The following DCHS2 variants were observed in gnomAD, a reference collection of about 807,000 sequenced individuals.
DCHS2 encodes dachsous cadherin-related 2, also known as protocadherin-23.
A neutral mutation model predicts 182.4 loss-of-function variants in DCHS2; 142 were observed. That is an observed-to-expected ratio of 0.78 (90% CI 0.68 to 0.89). The LOEUF is 0.89. Among genes scored for constraint, DCHS2 ranks in the 40% least tolerant of loss-of-function variants. The pLI is 0.00. For synonymous variants in DCHS2, 1,740 were observed against 1,663.3 expected (o/e 1.05, Z -1.12); for missense variants, 4,319 against 4,198.6 (o/e 1.03, Z -0.79).
rs1283887346 is a variant in DCHS2, at chr4:154,236,994, G to T, written c.7658C>A (p.Ser2553Tyr). The part of the protein sequence containing the change: ...NNYAPEFTVK[S>Y]YNLSLSEDAL... Reference sequence around the variant, plus strand: ...ATCCTCACTTAGGCTAAGATTATAGGATTTGACTGTGAATTCAGGGGCATA... The same window carrying T: ...ATCCTCACTTAGGCTAAGATTATAGTATTTGACTGTGAATTCAGGGGCATA... Residue 2553 changes from serine to tyrosine, a missense_variant, in exon 20 of 20, where the codon TCC becomes TAC. By Grantham distance (144) the Ser-to-Tyr change is moderately radical (BLOSUM62 -2). Coordinates refer to ENST00000357232, the MANE Select transcript of DCHS2 (RefSeq NM_001358235.2). 1 of 1,613,840 alleles carries T rather than the reference G, an allele frequency of 6.2e-7. No individual in the cohort carries two copies. The highest frequency in any genetic ancestry group is 1.3e-5 in the African/African-American group (1 of 74,896).
Position 154,305,154 on chromosome 4 carries a change from C to G in DCHS2, c.5338G>C (p.Glu1780Gln). 1 of 1,612,918 alleles carries G rather than the reference C, an allele frequency of 6.2e-7. No homozygotes were observed. The highest frequency in any genetic ancestry group is 8.5e-7 in the Non-Finnish European group (1 of 1,179,510). Residue 1780 changes from glutamate to glutamine, a missense_variant, in exon 11 of 20, where the codon GAG becomes CAG. By Grantham distance (29) the Glu-to-Gln change is conservative (BLOSUM62 2). Transcript: ENST00000357232. The stretch of plus-strand genomic sequence containing the variant: ...TCAAGTATGGTGGTTGTCACTACCT[C>G]TCCAGTGTCAGAATTTATCTCGAAT... ...ELFEINSDTG[E>Q]VVTTTILDRE...
At position 154,321,047 on chromosome 4, in the gene DCHS2, T is replaced by C. The variant is rs1393768586; in HGVS notation, c.4352A>G (p.His1451Arg). 3.3e-5 allele frequency: 54 copies of C among 1,612,746 alleles called. No homozygotes were observed. Among genetic ancestry groups the C allele is most frequent in the Non-Finnish European group, 4.1e-5 (48 of 1,179,042 alleles). Reference sequence around the variant, plus strand: ...TCCGGTTGAGCTGTCTATTTCAAAGTGTCCATCCTTATCATCTGCAACAAT... The same window carrying C: ...TCCGGTTGAGCTGTCTATTTCAAAGCGTCCATCCTTATCATCTGCAACAAT... ...FSIVADDKDG[H>R]FEIDSSTGDL... is the part of the protein sequence containing the mutation. The change falls in exon 9 of 20, where the codon CAC (histidine) becomes CGC (arginine). Residue 1451 changes from histidine to arginine, a missense_variant. By Grantham distance (29) the His-to-Arg change is conservative. Transcript: ENST00000357232.
chr4:154,470,692 G>GA (rs1735427929), intron 1 of DCHS2, among the ~76,000 whole-genome samples: 1 of 152,026 alleles, frequency 6.6e-6, no homozygotes, highest in Non-Finnish European at 1.5e-5. Context: ...ATTATTATTG[G>GA]AAAAGTCCTA....
At chr4:154,453,744 G>A (rs1734639714) in intron 1 of DCHS2, among the ~76,000 whole-genome samples, 1 of 151,978 alleles carries the variant, frequency 6.6e-6, no homozygotes, top group Non-Finnish European at 1.5e-5. Context: ...CTTCTCCCTT[G>A]TCCCTGTGTC....
intron 13 of DCHS2, among the ~76,000 whole-genome samples, chr4:154,281,398 GA>G: frequency 6.6e-6 from 1 of 152,052 alleles, no homozygotes; most frequent in East Asian, 1.9e-4. Flanking sequence ...TAAGCAATCT[GA>G]AAAGAAAATT....
intron 1 of DCHS2, among the ~76,000 whole-genome samples, chr4:154,385,268 G>T (rs966730715): frequency 1.3e-5 from 2 of 151,930 alleles, no homozygotes; most frequent in Non-Finnish European, 2.9e-5. Context: ...CTTTTTTATG[G>T]CTGCATAGTA....
chr4:154,378,536 G>A (rs1019713085), intron 1 of DCHS2, among the ~76,000 whole-genome samples: 1 of 148,478 alleles, frequency 6.7e-6, no homozygotes, highest in South Asian at 2.2e-4. Flanking sequence ...AAGGAAGGAA[G>A]GAAGGAAGGA....
chr4:154,341,742 A>G (rs1037357702), intron 3 of DCHS2, among the ~76,000 whole-genome samples: 7 of 152,162 alleles, frequency 4.6e-5, no homozygotes, highest in Admixed American at 1.3e-4. Flanking sequence ...TAATTTTTCA[A>G]TAACATCAGA....
At chr4:154,472,643 T>C (rs1219580421) in intron 1 of DCHS2, among the ~76,000 whole-genome samples, 2 of 152,158 alleles carry the variant, frequency 1.3e-5, no homozygotes, top group Non-Finnish European at 2.9e-5. Context: ...TTTATAATAG[T>C]AATTTTTTAA....
chr4:154,409,221 C>T (rs1231032302), intron 1 of DCHS2, among the ~76,000 whole-genome samples: 2 of 152,080 alleles, frequency 1.3e-5, no homozygotes, highest in African/African-American at 4.8e-5. Flanking sequence ...TACTGTGTTG[C>T]CCCTGCCTCC....
rs1323864404 is a variant in DCHS2 at position 154,305,225 on chromosome 4, T to TTGAC, written c.5263_5266dup (p.Asn1756SerfsTer8). 6.2e-7 allele frequency: 1 copy of TTGAC among 1,606,746 alleles called. No homozygotes were observed. Among genetic ancestry groups the TTGAC allele is most frequent in the Non-Finnish European group, 8.5e-7 (1 of 1,177,996 alleles). ...CATGATTTCAAACTGAAGCTTGGAA[T>TTGAC]TGACTCCTTAAGAAAAATATAAAGA... On this transcript the variant is annotated frameshift_variant, in exon 11 of 20. Coordinates refer to ENST00000357232, the MANE Select transcript of DCHS2 (RefSeq NM_001358235.2). LOFTEE classifies it high-confidence loss of function.
At chr4:154,370,475 G>C (rs1413520675) in intron 2 of DCHS2, among the ~76,000 whole-genome samples, 1 of 152,162 alleles carries the variant, frequency 6.6e-6, no homozygotes, top group African/African-American at 2.4e-5. Flanking sequence ...TTTTAAGATA[G>C]AGACTATTAT....
intron 1 of DCHS2, chr4:154,391,336 C>T (rs1230026347): frequency 6.4e-7 from 1 of 1,553,642 alleles, no homozygotes. Flanking sequence ...GCTTCAACTT[C>T]ATGTCTCTGG....
At position 154,377,290 on chromosome 4, in the gene DCHS2, G is replaced by A. The variant is rs1227458030; in HGVS notation, c.2207C>T (p.Pro736Leu). ...TTCCACCAGGAGATCATAGGTAGCT[G>A]GATCCCTTTCCCTGTCGATATCTTG... ...VSQDIDRERD[P>L]ATYDLLVEAK... Residue 736 changes from proline (P) to leucine (L), a missense_variant, in exon 2 of 20, where the codon CCA becomes CTA. Transcript: ENST00000357232. 1 of 1,613,410 alleles carries A rather than the reference G, an allele frequency of 6.2e-7. No individual in the cohort carries two copies. The highest frequency in any genetic ancestry group is 1.7e-5 in the Admixed American group (1 of 59,980).
chr4:154,440,684 G>A (rs1232396995), intron 1 of DCHS2, among the ~76,000 whole-genome samples: 3 of 152,048 alleles, frequency 2.0e-5, no homozygotes, highest in African/African-American at 7.2e-5. Flanking sequence ...CTATTTTAAT[G>A]AGACATCAAA....
At chr4:154,293,139 G>A (rs1734740523) in intron 13 of DCHS2, among the ~76,000 whole-genome samples, 1 of 152,138 alleles carries the variant, frequency 6.6e-6, no homozygotes, top group African/African-American at 2.4e-5. Context: ...TAAACAATGT[G>A]TGCTCTACCT....
At chr4:154,453,871 T>A (rs1024475209) in intron 1 of DCHS2, among the ~76,000 whole-genome samples, 2 of 152,242 alleles carry the variant, frequency 1.3e-5, no homozygotes, top group Admixed American at 6.5e-5. Context: ...GTATTTGTTT[T>A]ATTTTATAAG....
At chr4:154,397,922 G>T (rs540953030) in intron 1 of DCHS2, among the ~76,000 whole-genome samples, 1 of 152,314 alleles carries the variant, frequency 6.6e-6, no homozygotes, top group East Asian at 1.9e-4. Flanking sequence ...TCATCTCTGT[G>T]TTGGGTAGAG....
intron 1 of DCHS2, among the ~76,000 whole-genome samples, chr4:154,483,014 A>G (rs1735980406): frequency 6.6e-6 from 1 of 152,242 alleles, no homozygotes; most frequent in Non-Finnish European, 1.5e-5. Flanking sequence ...GGCTGATATT[A>G]AAATACCATA....
Sources: allele counts gnomAD v4.1 joint callset (sites outside exome capture counted in the v4.1 genomes callset), GRCh38; gene constraint gnomAD v4.1.1; transcripts MANE v1.5; gene names NCBI Gene and HGNC (gene_info 2026-07-23, HGNC 2026-07-21).